Variants in FAM227B observed in about 807,000 individuals in gnomAD.
FAM227B encodes protein FAM227B.
FAM227B carries 88 observed loss-of-function variants against 73.8 expected under a neutral mutation model. The ratio of observed to expected loss-of-function variants is 1.19; its 90% CI spans 1.00 to 1.42. FAM227B has a LOEUF of 1.42. Ranked by LOEUF, FAM227B falls within the 40% of genes most tolerant of loss-of-function variation. The pLI is 0.00. For synonymous variants in FAM227B, 210 were observed against 190.5 expected (o/e 1.10, Z -0.84); for missense variants, 632 against 590.9 (o/e 1.07, Z -0.72).
intron 9 of FAM227B, among the ~76,000 whole-genome samples, chr15:49,547,299 C>T (rs2072063106): frequency 6.6e-6 from 1 of 151,526 alleles, no homozygotes; most frequent in South Asian, 2.1e-4. Context: ...TGGAAAGGAA[C>T]AACCAGTACC....
chr15:49,378,035 C>T (rs1189542643), intron 11 of FAM227B, among the ~76,000 whole-genome samples: 1 of 152,058 alleles, frequency 6.6e-6, no homozygotes, highest in East Asian at 1.9e-4. Flanking sequence ...TTCATTTTGT[C>T]TATGACAAGA....
At chr15:49,510,420 TTTG>T (rs1268013889) in intron 10 of FAM227B, among the ~76,000 whole-genome samples, 2 of 152,288 alleles carry the variant, frequency 1.3e-5, no homozygotes, top group African/African-American at 4.8e-5. Context: ...GTTGGATGTT[TTTG>T]TTTTCTTATG....
chr15:49,402,064 G>A (rs1190906270), intron 11 of FAM227B, among the ~76,000 whole-genome samples: 1 of 152,076 alleles, frequency 6.6e-6, no homozygotes, highest in Non-Finnish European at 1.5e-5. Context: ...CTCAACCACT[G>A]ATTAAATCAT....
At chr15:49,513,102 T>G (rs1345861637) in intron 10 of FAM227B, among the ~76,000 whole-genome samples, 1 of 152,210 alleles carries the variant, frequency 6.6e-6, no homozygotes, top group Non-Finnish European at 1.5e-5. Context: ...TGATTTATAT[T>G]CCTTTGGGTA....
At chr15:49,557,338 C>T (rs1471745810) in intron 9 of FAM227B, among the ~76,000 whole-genome samples, 1 of 152,094 alleles carries the variant, frequency 6.6e-6, no homozygotes, top group Non-Finnish European at 1.5e-5. Context: ...AAAATCCAGT[C>T]AATCTGACAA....
intron 11 of FAM227B, among the ~76,000 whole-genome samples, chr15:49,476,157 A>C (rs1249463180): frequency 6.7e-6 from 1 of 149,372 alleles, no homozygotes. Flanking sequence ...TATTCCTCAA[A>C]TCCTCCGTTG....
chr15:49,347,790 G>T (rs2041716169), intron 13 of FAM227B, among the ~76,000 whole-genome samples: 1 of 152,106 alleles, frequency 6.6e-6, no homozygotes, highest in Admixed American at 6.5e-5. Flanking sequence ...AGGCTAAGGT[G>T]GGTGGATCAC....
intron 9 of FAM227B, among the ~76,000 whole-genome samples, chr15:49,545,531 G>C (rs966378642): frequency 1.3e-5 from 2 of 151,970 alleles, no homozygotes; most frequent in Non-Finnish European, 2.9e-5. Context: ...TCTTCAGCTG[G>C]GTTTGGGATT....
intron 9 of FAM227B, among the ~76,000 whole-genome samples, chr15:49,552,648 A>G (rs191041187): frequency 1.4e-3 from 217 of 152,156 alleles, no homozygotes; most frequent in African/African-American, 5.0e-3. Flanking sequence ...TAGATCCTGT[A>G]GGCATGTTTC....
At chr15:49,503,220 A>T (rs2058294006) in intron 11 of FAM227B, among the ~76,000 whole-genome samples, 1 of 152,222 alleles carries the variant, frequency 6.6e-6, no homozygotes, top group Admixed American at 6.5e-5. Context: ...CTGGCTAGCC[A>T]TATGTAGAAA....
At chr15:49,536,258 C>T (rs541206323) in intron 10 of FAM227B, among the ~76,000 whole-genome samples, 3 of 151,666 alleles carry the variant, frequency 2.0e-5, no homozygotes, top group Admixed American at 2.0e-4. Context: ...TATACAATAA[C>T]CAATTACATT....
At chr15:49,432,327 G>A (rs2050689060) in intron 11 of FAM227B, among the ~76,000 whole-genome samples, 2 of 151,542 alleles carry the variant, frequency 1.3e-5, no homozygotes, top group African/African-American at 4.8e-5. Flanking sequence ...GCTGTTTCCT[G>A]TAGCACAGCT....
chr15:49,366,433 C>T, intron 13 of FAM227B: 1 of 901,934 alleles, frequency 1.1e-6, no homozygotes, highest in Non-Finnish European at 1.9e-6. Flanking sequence ...CTGCTTTGTT[C>T]TTTATGTCAA....
intron 11 of FAM227B, among the ~76,000 whole-genome samples, chr15:49,445,344 TCTTA>T (rs1381608977): frequency 6.6e-6 from 1 of 151,676 alleles, no homozygotes; most frequent in Non-Finnish European, 1.5e-5. Flanking sequence ...AATGTTTAGC[TCTTA>T]CTTATAAGTG....
chr15:49,457,899 T>C (rs184339784), intron 11 of FAM227B, among the ~76,000 whole-genome samples: 9 of 152,136 alleles, frequency 5.9e-5, no homozygotes, highest in Admixed American at 3.9e-4. Context: ...GTGCTAATTT[T>C]AGCACAAGTT....
At chr15:49,426,377 A>G (rs558087362) in intron 11 of FAM227B, among the ~76,000 whole-genome samples, 3 of 152,104 alleles carry the variant, frequency 2.0e-5, no homozygotes, top group Admixed American at 6.6e-5. Flanking sequence ...AATTATAGCA[A>G]TAAGGTTACC....
Position 49,411,114 on chromosome 15 carries a change from T to C in FAM227B, c.1013-39715A>G, listed in dbSNP as rs1385815772. ...AAAAATGCAGAGAAAGGGAAGGAGG[T>C]TGGATAGGATAAAAAACAGTTGCAG... On this transcript the variant is annotated intron_variant, in intron 11 of 15. Transcript: ENST00000299338. Among the ~76,000 whole-genome samples, 6 of 135,188 alleles carry C rather than the reference T, an allele frequency of 4.4e-5. No individual in the cohort carries two copies. In the Admixed American group the frequency reaches 4.5e-4, roughly 10 times the overall value. 88.7% of individuals were successfully genotyped at this position (135,188 alleles called of 152,430 possible). A position where few individuals can be genotyped will look rare whatever the true frequency, so the allele number is the denominator to read the frequency against.
intron 11 of FAM227B, among the ~76,000 whole-genome samples, chr15:49,384,674 T>C (rs949640981): frequency 1.3e-5 from 2 of 152,018 alleles, no homozygotes; most frequent in African/African-American, 4.8e-5. Flanking sequence ...ACTCAAAGTA[T>C]AAATAAGCTG....
intron 11 of FAM227B, among the ~76,000 whole-genome samples, chr15:49,395,734 T>TA (rs1213523821): frequency 6.6e-6 from 1 of 152,222 alleles, no homozygotes; most frequent in Non-Finnish European, 1.5e-5. Flanking sequence ...TTACAGTTCT[T>TA]ACAGCGACTA....
Sources: gnomAD v4.1 joint callset for allele counts (sites outside exome capture counted in the v4.1 genomes callset) on GRCh38, gnomAD v4.1.1 for gene constraint, MANE v1.5 for transcripts, NCBI Gene and HGNC (gene_info 2026-07-23, HGNC 2026-07-21) for gene names.